Variants in SLC36A1 observed in about 807,000 individuals in gnomAD.
SLC36A1 encodes the protein solute carrier family 36 member 1.
Under a neutral mutation model 47.5 loss-of-function variants are expected in SLC36A1, and 30 were observed. The ratio of observed to expected loss-of-function variants is 0.63; its 90% CI spans 0.47 to 0.86. The LOEUF (loss-of-function observed/expected upper bound fraction) is 0.86. Among genes scored for constraint, SLC36A1 ranks in the 40% least tolerant of loss-of-function variants. The pLI, the probability that SLC36A1 is intolerant of heterozygous loss-of-function variation, is 0.00. For synonymous variants in SLC36A1, 255 were observed against 249.7 expected, an observed-to-expected ratio of 1.02 and a Z score of -0.20; for missense variants, 517 against 606.0, an observed-to-expected ratio of 0.85 and a Z score of 1.54.
intron 7 of SLC36A1, 96 bp downstream of exon 7, chr5:151,468,021 G>C: frequency 2.0e-6 from 2 of 990,084 alleles, no homozygotes; most frequent in Non-Finnish European, 3.0e-6. Context: ...TTTGGGAGGT[G>C]GGGGCGGGTG....
chr5:151,462,004 G>A (rs1168629457), intron 2 of SLC36A1, among the ~76,000 whole-genome samples: 4 of 149,824 alleles, frequency 2.7e-5, no homozygotes, highest in Non-Finnish European at 5.9e-5. Flanking sequence ...CTAACAAACT[G>A]TAGGTCATTC....
At chr5:151,546,814 G>A in the SLC36A1 span, among the ~76,000 whole-genome samples, 1 of 152,150 alleles carries the variant, frequency 6.6e-6, no homozygotes, top group Non-Finnish European at 1.5e-5. Flanking sequence ...AAACTCCTGG[G>A]CTCAAGCGGT....
the SLC36A1 span, among the ~76,000 whole-genome samples, chr5:151,411,962 C>T: frequency 4.8e-5 from 7 of 144,840 alleles, 1 homozygote; most frequent in African/African-American, 1.5e-4. Flanking sequence ...TTTCTTAAGA[C>T]GTAACTAAAA....
At chr5:151,549,214 T>A in the SLC36A1 span, 4 of 1,322,908 alleles carry the variant, frequency 3.0e-6, no homozygotes, top group South Asian at 5.2e-5. Context: ...TTGATTAATT[T>A]GCGAATTCAT....
chr5:151,544,486 A>C, the SLC36A1 span: 7 of 1,614,144 alleles, frequency 4.3e-6, no homozygotes, highest in South Asian at 7.7e-5. Flanking sequence ...GGTGAACAGC[A>C]TCAAGGGTTC....
chr5:151,496,107 C>T (rs1760330689), downstream of SLC36A1, among the ~76,000 whole-genome samples: 1 of 152,128 alleles, frequency 6.6e-6, no homozygotes. Flanking sequence ...GTGGGAGGGA[C>T]CCGGTGGGAG....
upstream of SLC36A1, among the ~76,000 whole-genome samples, chr5:151,444,422 TCA>T (rs1236538551): frequency 4.6e-5 from 7 of 152,354 alleles, no homozygotes; most frequent in African/African-American, 1.7e-4. Context: ...TTTAATGCTA[TCA>T]CAAATAAAAT....
chr5:151,546,481 A>G, the SLC36A1 span: 7 of 599,270 alleles, frequency 1.2e-5, no homozygotes, highest in African/African-American at 9.3e-5. Flanking sequence ...GATATAGTGT[A>G]TAGAGTAGAT....
chr5:151,483,515 T>TGGG (rs200539458), intron 10 of SLC36A1, among the ~76,000 whole-genome samples: 1 of 110,128 alleles, frequency 9.1e-6, no homozygotes, highest in African/African-American at 3.5e-5. Context: ...TCTTTGTGTG[T>TGGG]GTGGGGGGGG....
chr5:151,465,277 G>A (rs541468624), intron 5 of SLC36A1, 108 bp downstream of exon 5: 4 of 886,014 alleles, frequency 4.5e-6, no homozygotes, highest in Non-Finnish European at 7.5e-6. Context: ...GTGCTGTTTG[G>A]GTCAGTTGCC....
At chr5:151,554,027 A>G in the SLC36A1 span, among the ~76,000 whole-genome samples, 1 of 152,264 alleles carries the variant, frequency 6.6e-6, no homozygotes, top group African/African-American at 2.4e-5. Flanking sequence ...GATAAAGGTT[A>G]AACGACTTGT....
chr5:151,397,689 G>T, the SLC36A1 span, among the ~76,000 whole-genome samples: 2 of 147,234 alleles, frequency 1.4e-5, no homozygotes, highest in Non-Finnish European at 3.0e-5. Context: ...GCTTGAATCC[G>T]GGAGGCAGAA....
the SLC36A1 span, among the ~76,000 whole-genome samples, chr5:151,350,116 T>TCAC: frequency 0.26 from 39,239 of 150,534 alleles, 5,447 homozygotes; most frequent in African/African-American, 0.32. Flanking sequence ...CACCCTATCC[T>TCAC]CACCACCACC....
chr5:151,540,333 C>G, the SLC36A1 span, among the ~76,000 whole-genome samples: 1 of 151,918 alleles, frequency 6.6e-6, no homozygotes, highest in Non-Finnish European at 1.5e-5. Context: ...GAGATGGGTC[C>G]CTCGGTCCTC....
At chr5:151,468,417 T>A (rs1756893144) in intron 7 of SLC36A1, among the ~76,000 whole-genome samples, 2 of 145,380 alleles carry the variant, frequency 1.4e-5, no homozygotes, top group East Asian at 2.0e-4. Flanking sequence ...ATATAATGTA[T>A]GTAATATTTA....
chr5:151,550,504 G>A, the SLC36A1 span: 2 of 1,451,592 alleles, frequency 1.4e-6, no homozygotes, highest in African/African-American at 1.4e-5. Flanking sequence ...TGAGGGGAAG[G>A]GGGACCTTCA....
the SLC36A1 span, among the ~76,000 whole-genome samples, chr5:151,503,891 T>C: frequency 1.3e-5 from 2 of 151,864 alleles, no homozygotes; most frequent in African/African-American, 2.4e-5. Context: ...GGCAGAGGGT[T>C]TTTTCCAAAT....
the SLC36A1 span, chr5:151,380,827 A>C: frequency 2.0e-6 from 1 of 489,450 alleles, no homozygotes; most frequent in Non-Finnish European, 4.1e-6. Flanking sequence ...AACTGGCAGC[A>C]GCAGACCCAC....
intron 7 of SLC36A1, 115 bp downstream of exon 7, chr5:151,468,040 G>C (rs906864004): frequency 1.2e-6 from 1 of 829,422 alleles, no homozygotes; most frequent in Non-Finnish European, 1.9e-6. Context: ...TGGATCACCT[G>C]AGATCAGGAG....
Sources: allele counts gnomAD v4.1 joint callset (sites outside exome capture counted in the v4.1 genomes callset), GRCh38; gene constraint gnomAD v4.1.1; transcripts MANE v1.5; gene names NCBI Gene and HGNC (gene_info 2026-07-23, HGNC 2026-07-21).